The following PRDM11 variants were observed in gnomAD, a reference collection of about 807,000 sequenced individuals.
PRDM11 encodes PR domain-containing protein 11.
Under a neutral mutation model 97.8 loss-of-function variants are expected in PRDM11, and 20 were observed. The ratio of observed to expected loss-of-function variants is 0.20; its 90% confidence interval spans 0.14 to 0.30. The LOEUF is 0.30. Among genes scored for constraint, PRDM11 ranks in the 10% least tolerant of loss-of-function variants. The pLI is 1.00. For missense variants in PRDM11, 1,139 were observed against 1,555.2 expected, an observed-to-expected ratio of 0.73 and a Z score of 4.50; for synonymous variants, 599 against 637.7, an observed-to-expected ratio of 0.94 and a Z score of 0.91.
In PRDM11 at chr11:45,219,597, G is replaced by A. The variant is rs754623613; in HGVS notation, c.582G>A (p.Arg194=). 6.2e-7 allele frequency: 1 copy of A among 1,614,090 alleles called. No homozygotes were observed. Among genetic ancestry groups the A allele is most frequent in the Non-Finnish European group, 8.5e-7 (1 of 1,179,980 alleles). Residue 194 remains arginine (R), a synonymous_variant, in exon 6 of 8, where the codon AGG becomes AGA. Transcript: ENST00000683152. The surrounding 1 kb of genome is among the most constrained non-coding windows in gnomAD (Gnocchi z 4.2). The part of the protein sequence containing the change: ...MRYVVISREE[R]EQNLLAFQHS... The stretch of plus-strand genomic sequence containing the variant: ...ACGTGGTCATCTCCCGGGAGGAGAG[G>A]GAGCAGAACCTGCTGGCGTTCCAGC...
At chr11:45,188,125 TCCCTCCCTCAGTATATG>T (rs1055088901) in intron 4 of PRDM11, among the ~76,000 whole-genome samples, 6 of 152,062 alleles carry the variant, frequency 3.9e-5, no homozygotes, top group African/African-American at 9.7e-5. Context: ...CCCTCCACAC[TCCCTCCCTCAGTATATG>T]CACTCTACTC....
chr11:45,155,344 C>A (rs919970752), intron 1 of PRDM11, among the ~76,000 whole-genome samples: 7 of 152,196 alleles, frequency 4.6e-5, no homozygotes, highest in Admixed American at 6.5e-5. Flanking sequence ...GCCCACCAGA[C>A]CCTCAGCCCC....
chr11:45,166,911 T>C (rs1269762309), intron 1 of PRDM11, among the ~76,000 whole-genome samples: 4 of 152,246 alleles, frequency 2.6e-5, no homozygotes, highest in East Asian at 1.9e-4. Context: ...ACAGTAATTA[T>C]AATCACTAGT....
intron 4 of PRDM11, among the ~76,000 whole-genome samples, chr11:45,188,476 C>T (rs1051870581): frequency 6.6e-6 from 1 of 152,240 alleles, no homozygotes; most frequent in African/African-American, 2.4e-5. Context: ...CTTCTTACCT[C>T]CTTGCCTGGG....
chr11:45,194,843 C>T (rs1044834492), intron 4 of PRDM11, among the ~76,000 whole-genome samples: 6 of 151,852 alleles, frequency 4.0e-5, no homozygotes, highest in Non-Finnish European at 8.8e-5. Context: ...CGTGATCCGC[C>T]CGCCTCGGCC....
intron 4 of PRDM11, among the ~76,000 whole-genome samples, chr11:45,187,942 G>C (rs1190270725): frequency 1.3e-5 from 2 of 152,092 alleles, no homozygotes; most frequent in Non-Finnish European, 2.9e-5. Context: ...AGAGTACGGG[G>C]AAGGTGGGGT....
At position 45,230,567 on chromosome 11, in the gene PRDM11, C is replaced by A. The variant is rs1049653279; in HGVS notation, c.*2408C>A. The A allele has an allele frequency of 6.6e-6, 1 of 152,286 alleles. No homozygotes were observed. The highest frequency in any genetic ancestry group is 1.5e-5 in the Non-Finnish European group (1 of 68,080). The allele number at this position is 152,286 out of a possible 1,614,324, so 9.4% of individuals were successfully genotyped here. On this transcript the variant is annotated 3_prime_UTR_variant, in exon 8 of 8. Transcript: ENST00000683152. ...AGCCTTGGGACTTCCTCTCCCCTCACACACGCAAACTGCTGTGTCTGGGGA... is the reference window on the plus strand; with the variant it reads ...AGCCTTGGGACTTCCTCTCCCCTCAAACACGCAAACTGCTGTGTCTGGGGA...
In PRDM11 at chr11:45,226,216, G is replaced by A. The variant is rs1297354262; in HGVS notation, c.1591G>A (p.Val531Ile). The change falls in exon 8 of 8, where the codon GTC (valine) becomes ATC (isoleucine). Residue 531 changes from valine (V) to isoleucine (I), a missense_variant. Physicochemically the swap from Val to Ile is conservative, Grantham distance 29. Transcript: ENST00000683152. Reference sequence around the variant, plus strand: ...AACCCTCAATGAGATGTGGTGCCACGTCTGCCGCCAGTACACGGTGCAGTC... The same window carrying A: ...AACCCTCAATGAGATGTGGTGCCACATCTGCCGCCAGTACACGGTGCAGTC... ...SPTLNEMWCH[V>I]CRQYTVQSSR... 1.2e-5 allele frequency: 19 copies of A among 1,533,864 alleles called. No homozygotes were observed. Among genetic ancestry groups the A allele is most frequent in the African/African-American group, 2.7e-5 (2 of 73,090 alleles).
At chr11:45,126,475 C>T (rs188543528) in intron 1 of PRDM11, among the ~76,000 whole-genome samples, 26 of 152,082 alleles carry the variant, frequency 1.7e-4, no homozygotes, top group East Asian at 1.4e-3. Context: ...TGGCTGGTAC[C>T]GGTTGTTCCT....
At chr11:45,135,972 T>C (rs1225779960) in intron 1 of PRDM11, among the ~76,000 whole-genome samples, 3 of 152,190 alleles carry the variant, frequency 2.0e-5, no homozygotes, top group Admixed American at 6.5e-5. Context: ...GTAAATATAA[T>C]GTGGATGAGA....
chr11:45,227,319 C>T lies in PRDM11; in HGVS notation c.2694C>T (p.Phe898=). The T allele has an allele frequency of 6.5e-7, 1 of 1,533,976 alleles. No homozygotes were observed. Among genetic ancestry groups the T allele is most frequent in the Non-Finnish European group, 8.7e-7 (1 of 1,146,738 alleles). ...IAVLSRLAYI[F]QGEYLLVSQV... ...TGCTCTCGCGTCTGGCCTACATCTTCCAGGGCGAGTACCTGCTGGTGTCCC... is the reference window on the plus strand; with the variant it reads ...TGCTCTCGCGTCTGGCCTACATCTTTCAGGGCGAGTACCTGCTGGTGTCCC... Residue 898 remains phenylalanine (F), a synonymous_variant, in exon 8 of 8, where the codon TTC becomes TTT. Transcript: ENST00000683152. This position sits in a 1 kb window ranked among gnomAD's most constrained non-coding sequence, Gnocchi z 8.0.
intron 1 of PRDM11, among the ~76,000 whole-genome samples, chr11:45,101,209 C>G (rs1334564894): frequency 6.6e-6 from 1 of 152,158 alleles, no homozygotes; most frequent in Non-Finnish European, 1.5e-5. Flanking sequence ...TGCTGTCAGG[C>G]TGCAGAGCAG....
intron 1 of PRDM11, chr11:45,147,280 G>C (rs1357723152): frequency 2.0e-5 from 3 of 150,758 alleles, no homozygotes; most frequent in Non-Finnish European, 1.5e-5. Flanking sequence ...ATGAGAACGC[G>C]GTGACACGGA....
At chr11:45,103,072 CAT>C (rs1480645597) in intron 1 of PRDM11, among the ~76,000 whole-genome samples, 2 of 152,214 alleles carry the variant, frequency 1.3e-5, no homozygotes, top group African/African-American at 2.4e-5. Context: ...GCCCAGTGCT[CAT>C]ATAATCGTGA....
At chr11:45,095,859 C>T in exon 1 of PRDM11, 1 of 780,460 alleles carries the variant, frequency 1.3e-6, no homozygotes, top group South Asian at 1.3e-5. Flanking sequence ...AGTGCCGGGC[C>T]TGCCTGAGAT....
Position 45,124,171 on chromosome 11 carries a change from C to T in PRDM11, c.96+28270C>T, listed in dbSNP as rs1193015322. Among the ~76,000 whole-genome samples, 10 of 150,948 alleles carry T rather than the reference C, an allele frequency of 6.6e-5. No homozygotes were observed. The East Asian group carries it at 1.7e-3, about 26-fold the overall frequency. ...TGTCTGTTATTGGTGTATAAGAATG[C>T]TTGTGATTTTTGTACATTGATTTTG... is the stretch of plus-strand genomic sequence containing the variant. On this transcript the variant is annotated intron_variant, in intron 1 of 6. Transcript: ENST00000530656.
chr11:45,120,802 C>T (rs1225443868), intron 1 of PRDM11, among the ~76,000 whole-genome samples: 1 of 152,080 alleles, frequency 6.6e-6, no homozygotes, highest in Non-Finnish European at 1.5e-5. Flanking sequence ...ATATTGATTA[C>T]TTAAACCAGC....
intron 4 of PRDM11, among the ~76,000 whole-genome samples, chr11:45,198,503 G>T (rs775602050): frequency 6.6e-6 from 1 of 152,240 alleles, no homozygotes; most frequent in Non-Finnish European, 1.5e-5. Context: ...ATGCAGGATT[G>T]AATTATGAAT....
At chr11:45,099,519 C>A (rs994921575) in intron 1 of PRDM11, among the ~76,000 whole-genome samples, 2 of 149,562 alleles carry the variant, frequency 1.3e-5, no homozygotes, top group African/African-American at 2.5e-5. Context: ...CAGCCAAGAC[C>A]AGGAGTGAGG....
Sources: gnomAD v4.1 joint callset for allele counts (sites outside exome capture counted in the v4.1 genomes callset) on GRCh38, gnomAD v4.1.1 for gene constraint, Gnocchi (gnomAD v3.1) non-coding constraint, MANE v1.5 for transcripts, NCBI Gene and HGNC (gene_info 2026-07-23, HGNC 2026-07-21) for gene names.